ANO7: variants seen among roughly 807,000 people sequenced by gnomAD.
ANO7 encodes anoctamin-7.
ANO7 carries 114 observed loss-of-function variants against 115.8 expected under a neutral mutation model. The ratio of observed to expected loss-of-function variants is 0.98; its 90% CI spans 0.85 to 1.15. ANO7 has a LOEUF of 1.15. Ranked by LOEUF, ANO7 falls within the 50% of genes most tolerant of loss-of-function variation. The probability of loss-of-function intolerance (pLI) is 0.00; values close to 1 mark genes in which losing one functional copy is unlikely to be tolerated. For missense variants in ANO7, 1,302 were observed against 1,201.2 expected (o/e 1.08, Z -1.24); for synonymous variants, 550 against 498.2 (o/e 1.10, Z -1.38).
chr2:241,238,518 A>G, the ANO7 span: 7 of 687,430 alleles, frequency 1.0e-5, no homozygotes, highest in South Asian at 2.0e-4. This position sits in a 1 kb window ranked among gnomAD's most constrained non-coding sequence, Gnocchi z 4.9. Context: ...GAACCTCTGG[A>G]AGCCCCCAGA....
chr2:241,229,839 A>G, downstream of ANO7: 2 of 1,561,022 alleles, frequency 1.3e-6, no homozygotes, highest in Non-Finnish European at 1.7e-6. Flanking sequence ...TGACCTTCTC[A>G]CTGCTGCTGG....
At chr2:241,226,550 G>A (rs780257367), downstream of ANO7, among the ~76,000 whole-genome samples, 180 of 151,800 alleles carry the variant, frequency 1.2e-3, no homozygotes, top group Non-Finnish European at 1.8e-3. Flanking sequence ...TCAGCCTCCC[G>A]AGTAGCTGGG....
chr2:241,209,611 C>T lies in ANO7; in HGVS notation c.1335C>T (p.Ala445=), dbSNP rs150028156. Residue 445 remains alanine, a synonymous_variant, in exon 13 of 25, where the codon GCC becomes GCT. Coordinates refer to ENST00000674324, the MANE Select transcript of ANO7 (RefSeq NM_001370694.2). ...GGAGCCGCGCGCGCCGCATGCTGGC[C>T]GGCTCTGTGGTGATCGTGGTGATGG... ...PERSRARRML[A]GSVVIVVMVA... 1.1e-4 allele frequency: 172 copies of T among 1,587,650 alleles called. No individual in the cohort carries two copies. The highest frequency in any genetic ancestry group is 9.0e-4 in the African/African-American group (67 of 74,630).
At chr2:241,198,539 G>A (rs116069446) in intron 4 of ANO7, among the ~76,000 whole-genome samples, 1,635 of 152,236 alleles carry the variant, frequency 0.011, 40 homozygotes, top group African/African-American at 0.036. Flanking sequence ...AGTGTGCCTG[G>A]TCTGCGGTCT....
At chr2:241,239,825 A>G in the ANO7 span, 2 of 1,612,196 alleles carry the variant, frequency 1.2e-6, no homozygotes, top group Non-Finnish European at 1.7e-6. The surrounding 1 kb of genome is among the most constrained non-coding windows in gnomAD (Gnocchi z 4.6). Flanking sequence ...ATTATCCTGC[A>G]GTGTTAAGAA....
chr2:241,219,379 T>C (rs1237117807), intron 21 of ANO7, among the ~76,000 whole-genome samples: 1 of 152,184 alleles, frequency 6.6e-6, no homozygotes, highest in East Asian at 1.9e-4. Flanking sequence ...ACTTGTGATC[T>C]CTTCATAATG....
In ANO7 at chr2:241,188,888, G is replaced by A; in HGVS notation, c.-8+122G>A. ...ACACCCTGGCCTGTGGGGAGGCAGT[G>A]CCAGGGCCCGCCCTGGTCCCCAAAG... On this transcript the variant is annotated intron_variant, in intron 1 of 24. Transcript: ENST00000674324. The surrounding 1 kb of genome is among the most constrained non-coding windows in gnomAD (Gnocchi z 4.3). The A allele has an allele frequency of 7.6e-7, 1 of 1,309,004 alleles. No individual in the cohort carries two copies. The highest frequency in any genetic ancestry group is 2.6e-5 in the Admixed American group (1 of 38,834). The allele number at this position is 1,309,004 out of a possible 1,614,324, so 81.1% of individuals were successfully genotyped here.
chr2:241,199,133 C>T lies in ANO7; in HGVS notation c.310-183C>T, dbSNP rs560054313. 144 of 595,426 alleles carry T rather than the reference C, an allele frequency of 2.4e-4. 2 individuals carry two copies. The highest frequency in any genetic ancestry group is 5.8e-4 in the South Asian group (31 of 53,674). 36.9% of individuals were successfully genotyped at this position (595,426 alleles called of 1,614,324 possible). Reference sequence around the variant, plus strand: ...ACTCCCAAACGGGGCTGTCGAGGCCCGGTTGGCTTTCAGAGGCGTATCCAT... The same window carrying T: ...ACTCCCAAACGGGGCTGTCGAGGCCTGGTTGGCTTTCAGAGGCGTATCCAT... On this transcript the variant is annotated intron_variant, in intron 4 of 24. Transcript: ENST00000674324.
intron 18 of ANO7, among the ~76,000 whole-genome samples, chr2:241,215,515 G>T (rs10933537): frequency 6.6e-6 from 1 of 152,112 alleles, no homozygotes. Context: ...TGGGCCACCA[G>T]GAATAGCAGT....
chr2:241,239,673 C>T, the ANO7 span: 1 of 1,614,192 alleles, frequency 6.2e-7, no homozygotes, highest in Non-Finnish European at 8.5e-7. This position sits in a 1 kb window ranked among gnomAD's most constrained non-coding sequence, Gnocchi z 4.6. Flanking sequence ...TTGAGGGTGA[C>T]TTTGTCGCTC....
chr2:241,202,371 C>T (rs1451166412), intron 8 of ANO7, 67 bp downstream of exon 8: 3 of 1,474,964 alleles, frequency 2.0e-6, no homozygotes, highest in Non-Finnish European at 2.8e-6. Flanking sequence ...CCTGTTGGCC[C>T]CCAGGGAGGC....
At position 241,224,216 on chromosome 2, in the gene ANO7, T is replaced by TC; in HGVS notation, c.*65dup. ...CCCCTCCTGAGCCCTGCGAGCAGCGTCCTTTTCCTCTTCCCTCAGGCAGCG... is the reference window on the plus strand; with the variant it reads ...CCCCTCCTGAGCCCTGCGAGCAGCGTCCCTTTTCCTCTTCCCTCAGGCAGCG... On this transcript the variant is annotated 3_prime_UTR_variant, in exon 25 of 25. Coordinates refer to ENST00000674324, the MANE Select transcript of ANO7 (RefSeq NM_001370694.2). 6.4e-7 allele frequency: 1 copy of TC among 1,568,258 alleles called. No individual in the cohort carries two copies. Among genetic ancestry groups the TC allele is most frequent in the Non-Finnish European group, 8.8e-7 (1 of 1,142,814 alleles).
chr2:241,223,230 A>G lies in ANO7; in HGVS notation c.2366A>G (p.Tyr789Cys), dbSNP rs2069069359. ...GACGATGGACATTATTCCCAGACCT[A>G]CTGGAATCTTCTTGCCATCCGCCTG... is the stretch of plus-strand genomic sequence containing the variant. The part of the protein sequence containing the change: ...RDDDGHYSQT[Y>C]WNLLAIRLAF... The change falls in exon 22 of 25, where the codon TAC becomes TGC. Residue 789 changes from tyrosine to cysteine, a missense_variant. Physicochemically the swap from Tyr to Cys is radical, Grantham distance 194 (BLOSUM62 -2). Transcript: ENST00000674324. 9.3e-6 allele frequency: 15 copies of G among 1,614,208 alleles called. No homozygotes were observed. The highest frequency in any genetic ancestry group is 2.2e-5 in the East Asian group (1 of 44,886).
intron 3 of ANO7, 134 bp from the exon 4 acceptor site, chr2:241,195,569 T>C: frequency 1.2e-6 from 1 of 805,808 alleles, no homozygotes; most frequent in Non-Finnish European, 2.0e-6. Flanking sequence ...AGAGAGGGGA[T>C]CGGGAAGGAA....
At chr2:241,189,184 A>AGCCTGGG (rs71049561) in intron 1 of ANO7, among the ~76,000 whole-genome samples, 10,680 of 152,262 alleles carry the variant, frequency 0.07, 461 homozygotes, top group South Asian at 0.16. Context: ...TGAGGCTCCC[A>AGCCTGGG]GCCTGGGGCC....
intron 10 of ANO7, among the ~76,000 whole-genome samples, chr2:241,206,597 G>A (rs1399098496): frequency 3.9e-5 from 2 of 51,114 alleles, no homozygotes; most frequent in Admixed American, 4.0e-4. Context: ...CTGACAGGTG[G>A]ACAGGAGTGC....
rs774931122 is a variant in ANO7, at chr2:241,210,549, G to A, written c.1540G>A (p.Ala514Thr). 4 of 1,613,792 alleles carry A rather than the reference G, an allele frequency of 2.5e-6. No homozygotes were observed. The highest frequency in any genetic ancestry group is 3.4e-6 in the Non-Finnish European group (4 of 1,179,980). Residue 514 changes from alanine to threonine, a missense_variant, in exon 15 of 25, where the codon GCC becomes ACC. By Grantham distance (58) the Ala-to-Thr change is moderately conservative. Coordinates refer to ENST00000674324, the MANE Select transcript of ANO7 (RefSeq NM_001370694.2). ...CCTCTCCAAGATCTATGTATCCCTG[G>A]CCCACGTCCTGACACGATGGGGTGA... ...LILSKIYVSL[A>T]HVLTRWEMHR...
chr2:241,197,651 CTT>C (rs397869408), intron 4 of ANO7, among the ~76,000 whole-genome samples: 188 of 135,010 alleles, frequency 1.4e-3, no homozygotes, highest in African/African-American at 1.8e-3. Flanking sequence ...GTCACCTGCC[CTT>C]TTTTTTTTTT....
chr2:241,233,780 A>G, the ANO7 span: 4 of 1,612,310 alleles, frequency 2.5e-6, no homozygotes, highest in Non-Finnish European at 3.4e-6. This position sits in a 1 kb window ranked among gnomAD's most constrained non-coding sequence, Gnocchi z 4.3. Context: ...AAGGTCAACA[A>G]GCACCTCTGC....
Sources: gnomAD v4.1 joint callset for allele counts (sites outside exome capture counted in the v4.1 genomes callset) on GRCh38, gnomAD v4.1.1 for gene constraint, Gnocchi (gnomAD v3.1) non-coding constraint, MANE v1.5 for transcripts, NCBI Gene and HGNC (gene_info 2026-07-23, HGNC 2026-07-21) for gene names.